The following ANO6 variants were observed in gnomAD, a reference collection of about 807,000 sequenced individuals.
ANO6 encodes the protein anoctamin-6.
Under a neutral mutation model 117.5 loss-of-function variants are expected in ANO6, and 106 were observed. The observed-to-expected ratio is 0.90, with a 90% CI of 0.77 to 1.06. The LOEUF (loss-of-function observed/expected upper bound fraction) is 1.06. Ranked by LOEUF, ANO6 falls within the 50% of genes least tolerant of loss-of-function variation. The pLI is 0.00. For missense variants in ANO6, 955 were observed against 1,121.1 expected, an observed-to-expected ratio of 0.85 and a Z score of 2.12; for synonymous variants, 367 against 385.1, an observed-to-expected ratio of 0.95 and a Z score of 0.55.
chr12:45,402,607 C>T (rs1281066695), intron 13 of ANO6, among the ~76,000 whole-genome samples: 4 of 152,200 alleles, frequency 2.6e-5, no homozygotes, highest in African/African-American at 9.6e-5. Context: ...ATGCAAACTC[C>T]ACACTAGGAG....
chr12:45,301,445 AAATGTTTTTT>A (rs200351832), intron 1 of ANO6, among the ~76,000 whole-genome samples: 2,350 of 152,076 alleles, frequency 0.015, 50 homozygotes, highest in African/African-American at 0.053. Context: ...AAAGAAAAAA[AAATGTTTTTT>A]AATGTTTTTT....
At chr12:45,289,366 A>C (rs576001232) in intron 1 of ANO6, among the ~76,000 whole-genome samples, 1 of 152,022 alleles carries the variant, frequency 6.6e-6, no homozygotes, top group East Asian at 1.9e-4. Context: ...ATGGGGTTTC[A>C]CCATTTTGGT....
At chr12:45,223,584 T>C (rs527426945) in intron 1 of ANO6, among the ~76,000 whole-genome samples, 1 of 152,352 alleles carries the variant, frequency 6.6e-6, no homozygotes, top group East Asian at 1.9e-4. Flanking sequence ...ACTTATTTTT[T>C]TGTTCTATGC....
intron 17 of ANO6, among the ~76,000 whole-genome samples, chr12:45,420,524 G>A (rs1943331182): frequency 6.6e-6 from 1 of 152,038 alleles, no homozygotes; most frequent in South Asian, 2.1e-4. Context: ...AGGATCACTT[G>A]AACCAAGGAG....
At chr12:45,347,567 CA>C (rs1941169849) in intron 4 of ANO6, 1 of 181,716 alleles carries the variant, frequency 5.5e-6, no homozygotes, top group South Asian at 1.3e-4. Flanking sequence ...TAATATATAG[CA>C]AATGGATTTA....
chr12:45,416,983 GT>G, intron 17 of ANO6, 79 bp downstream of exon 17: 3 of 1,444,452 alleles, frequency 2.1e-6, no homozygotes, highest in Non-Finnish European at 2.9e-6. Context: ...AATGTTTAGT[GT>G]TTTTTAAAAT....
intron 2 of ANO6, among the ~76,000 whole-genome samples, chr12:45,315,496 C>T (rs58025806): frequency 0.011 from 1,639 of 151,970 alleles, 31 homozygotes; most frequent in African/African-American, 0.038. Flanking sequence ...TGGCCACTCC[C>T]GTTTCACTTC....
At chr12:45,433,177 A>T (rs1943667655), downstream of ANO6, among the ~76,000 whole-genome samples, 1 of 152,162 alleles carries the variant, frequency 6.6e-6, no homozygotes, top group South Asian at 2.1e-4. Context: ...CTAGTTAGCT[A>T]CCTACAGCTT....
intron 1 of ANO6, among the ~76,000 whole-genome samples, chr12:45,223,463 A>G (rs1295245620): frequency 1.3e-5 from 2 of 152,070 alleles, no homozygotes; most frequent in African/African-American, 4.8e-5. Context: ...AGAGAATAGA[A>G]AAAACACTTA....
At chr12:45,389,627 G>A (rs1942389084) in intron 11 of ANO6, among the ~76,000 whole-genome samples, 1 of 152,122 alleles carries the variant, frequency 6.6e-6, no homozygotes, top group Non-Finnish European at 1.5e-5. Flanking sequence ...CCCTCCCTTT[G>A]TTTAGAGAGG....
rs1464107407 is a variant in ANO6 at position 45,432,288 on chromosome 12, C to A, written c.*2977C>A. On this transcript the variant is annotated 3_prime_UTR_variant, in exon 20 of 20. Transcript: ENST00000320560. The stretch of plus-strand genomic sequence containing the variant: ...CTTTTATAATTATTAATGTTAATTT[C>A]TGTGCATTTTAATATTCTTTTATAA... The A allele has an allele frequency of 2.2e-6, 2 of 926,354 alleles. No individual in the cohort carries two copies. Among genetic ancestry groups the A allele is most frequent in the Non-Finnish European group, 2.6e-6 (2 of 777,208 alleles). The allele number at this position is 926,354 out of a possible 1,614,324, so 57.4% of individuals were successfully genotyped here.
At chr12:45,379,881 A>AGGATAT (rs1942125460) in intron 10 of ANO6, among the ~76,000 whole-genome samples, 2 of 152,208 alleles carry the variant, frequency 1.3e-5, no homozygotes, top group South Asian at 4.1e-4. Flanking sequence ...TATATTTTTA[A>AGGATAT]GGATATGTAT....
At chr12:45,240,153 A>T (rs1012057698) in intron 1 of ANO6, among the ~76,000 whole-genome samples, 1 of 151,908 alleles carries the variant, frequency 6.6e-6, no homozygotes, top group Non-Finnish European at 1.5e-5. Context: ...ATTGTGTGGG[A>T]GTCTAAGTCT....
rs569107357 is a variant in ANO6 at position 45,243,660 on chromosome 12, C to T, written c.70+27269C>T. The stretch of plus-strand genomic sequence containing the variant: ...CGCCTCCTGGGTTCAAGTGATTCTC[C>T]TGCCTCAGCCTCCCAAGTAGCTGAG... On this transcript the variant is annotated intron_variant, in intron 1 of 19. Coordinates refer to ENST00000320560, the MANE Select transcript of ANO6 (RefSeq NM_001025356.3). Among the ~76,000 whole-genome samples, 68 of 151,630 alleles carry T rather than the reference C, an allele frequency of 4.5e-4. 1 individual carries two copies. The highest frequency in any genetic ancestry group is 1.7e-3 in the African/African-American group (68 of 40,990).
At chr12:45,289,103 CAAGT>C (rs924747861) in intron 1 of ANO6, among the ~76,000 whole-genome samples, 4 of 151,344 alleles carry the variant, frequency 2.6e-5, no homozygotes, top group African/African-American at 9.7e-5. Flanking sequence ...TTTAAGCAAT[CAAGT>C]ATTTCCTAGT....
At chr12:45,268,423 G>C (rs1471096715) in intron 1 of ANO6, among the ~76,000 whole-genome samples, 1 of 152,198 alleles carries the variant, frequency 6.6e-6, no homozygotes, top group Non-Finnish European at 1.5e-5. Flanking sequence ...GAGAGCCTGA[G>C]GCAGGAGAAT....
chr12:45,292,761 C>G (rs1296459168), intron 1 of ANO6: 11 of 1,433,842 alleles, frequency 7.7e-6, no homozygotes, highest in Non-Finnish European at 1.0e-5. Flanking sequence ...GGAAATGTTA[C>G]AAGGTGGAGA....
chr12:45,339,955 C>T (rs1315548392), intron 3 of ANO6, among the ~76,000 whole-genome samples: 3 of 152,058 alleles, frequency 2.0e-5, no homozygotes, highest in African/African-American at 7.2e-5. Context: ...ATAGTATATT[C>T]ATTAATTTTA....
At chr12:45,375,073 G>C (rs1941966660) in intron 9 of ANO6, among the ~76,000 whole-genome samples, 1 of 151,844 alleles carries the variant, frequency 6.6e-6, no homozygotes, top group African/African-American at 2.4e-5. Context: ...TACAAACAGA[G>C]AGCCAAATCA....
Sources: allele counts gnomAD v4.1 joint callset (sites outside exome capture counted in the v4.1 genomes callset), GRCh38; gene constraint gnomAD v4.1.1; transcripts MANE v1.5; gene names NCBI Gene and HGNC (gene_info 2026-07-23, HGNC 2026-07-21).